Variants in BROX observed in about 807,000 individuals in gnomAD.
The protein encoded by BROX is BRO1 domain-containing protein BROX.
A neutral mutation model predicts 61.0 loss-of-function variants in BROX; 53 were observed. That is an observed-to-expected ratio of 0.87 (90% CI 0.70 to 1.09). BROX has a LOEUF of 1.09. Ranked by LOEUF, BROX falls within the 50% of genes least tolerant of loss-of-function variation. The pLI is 0.00. For synonymous variants in BROX, 152 were observed against 160.2 expected, an observed-to-expected ratio of 0.95 and a Z score of 0.38; for missense variants, 489 against 472.0, an observed-to-expected ratio of 1.04 and a Z score of -0.33.
rs545143655 is a variant in BROX at position 222,715,688 on chromosome 1, C to T, written c.-12C>T. Reference sequence around the variant, plus strand: ...TTTTTACTTTTTTGTCTATAGAAAACATCTGGAGAAAATGACCCATTGGTT... The same window carrying T: ...TTTTTACTTTTTTGTCTATAGAAAATATCTGGAGAAAATGACCCATTGGTT... On this transcript the variant is annotated 5_prime_UTR_variant, in exon 2 of 13. Transcript: ENST00000340934. 6.9e-6 allele frequency: 10 copies of T among 1,449,986 alleles called. No homozygotes were observed. The Admixed American group carries it at 9.6e-5, about 14-fold the overall frequency. The allele number at this position is 1,449,986 out of a possible 1,614,324, so 89.8% of individuals were successfully genotyped here. A position where few individuals can be genotyped will look rare whatever the true frequency, so the allele number is the denominator to read the frequency against.
intron 2 of BROX, 89 bp downstream of exon 2, chr1:222,715,889 G>T: frequency 1.5e-6 from 1 of 670,976 alleles, no homozygotes; most frequent in Non-Finnish European, 2.5e-6. Context: ...CTGTTTCTAA[G>T]TTTGTTATAA....
Position 222,731,388 on chromosome 1 carries a change from C to G in BROX, c.1021C>G (p.Gln341Glu), listed in dbSNP as rs148352271. Reference protein sequence around the residue: ...YFQKIPTEAPQLELKANYGLV... With the variant: ...YFQKIPTEAPELELKANYGLV... ...TCAAAAAATTCCAACAGAAGCCCCACAGCTGGAACTCAAAGCAAATTATGG... is the reference window on the plus strand; with the variant it reads ...TCAAAAAATTCCAACAGAAGCCCCAGAGCTGGAACTCAAAGCAAATTATGG... Residue 341 changes from glutamine (Q) to glutamate (E), a missense_variant, in exon 12 of 13, where the codon CAG (glutamine) becomes GAG (glutamate). Gln to Glu is a conservative substitution (Grantham distance 29). Coordinates refer to ENST00000340934, the MANE Select transcript of BROX (RefSeq NM_144695.4). 5.1e-6 allele frequency: 8 copies of G among 1,571,516 alleles called. No homozygotes were observed. The African/African-American group carries it at 1.1e-4, about 22-fold the overall frequency.
chr1:222,725,276 A>G (rs1181370814), intron 6 of BROX, among the ~76,000 whole-genome samples, 174 bp from the exon 7 acceptor site: 1 of 152,138 alleles, frequency 6.6e-6, no homozygotes, highest in Non-Finnish European at 1.5e-5. Flanking sequence ...GTATACAGGA[A>G]CTTTTATTTA....
intron 8 of BROX, among the ~76,000 whole-genome samples, chr1:222,727,889 A>T (rs1338525113): frequency 2.6e-5 from 4 of 152,218 alleles, no homozygotes; most frequent in Non-Finnish European, 4.4e-5. Context: ...TAAAAGTCTT[A>T]TGTTCCCTAG....
In BROX at chr1:222,712,830, C is replaced by T. The variant is rs1001524508; in HGVS notation, c.-129C>T. 3.9e-6 allele frequency: 5 copies of T among 1,287,848 alleles called. No homozygotes were observed. In the African/African-American group the frequency reaches 7.6e-5, roughly 20 times the overall value. 79.8% of individuals were successfully genotyped at this position (1,287,848 alleles called of 1,614,324 possible). On this transcript the variant is annotated 5_prime_UTR_variant, in exon 1 of 13. Transcript: ENST00000340934. Reference sequence around the variant, plus strand: ...GCTTGGCGCCGTCCTGGTTTTCCGTCACCCTGGTTCTGTAGTCTCGGTTCT... The same window carrying T: ...GCTTGGCGCCGTCCTGGTTTTCCGTTACCCTGGTTCTGTAGTCTCGGTTCT...
chr1:222,717,042 G>A (rs895500501), intron 2 of BROX, among the ~76,000 whole-genome samples: 6 of 152,134 alleles, frequency 3.9e-5, no homozygotes, highest in African/African-American at 9.7e-5. Flanking sequence ...GGGAAGAAGC[G>A]ATGACAACAA....
chr1:222,713,433 A>G (rs1571953077), intron 1 of BROX: 1 of 979,670 alleles, frequency 1.0e-6, no homozygotes, highest in Non-Finnish European at 1.2e-6. Context: ...TCCTCTGGGG[A>G]CTCGGGGCTT....
At chr1:222,714,637 T>C (rs1191399681) in intron 1 of BROX, among the ~76,000 whole-genome samples, 2 of 151,850 alleles carry the variant, frequency 1.3e-5, no homozygotes, top group African/African-American at 2.4e-5. Flanking sequence ...TCGCCCAGGC[T>C]GGAGTGCCAT....
chr1:222,716,049 C>T (rs1218239427), intron 2 of BROX, among the ~76,000 whole-genome samples: 1 of 152,108 alleles, frequency 6.6e-6, no homozygotes, highest in Non-Finnish European at 1.5e-5. Context: ...TACAACAGTA[C>T]AAGGGACTCT....
At position 222,733,822 on chromosome 1, in the gene BROX, A is replaced by G. The variant is rs951991045; in HGVS notation, c.*1108A>G. 6.6e-6 allele frequency: 1 copy of G among 152,236 alleles called. No individual in the cohort carries two copies. Among genetic ancestry groups the G allele is most frequent in the Non-Finnish European group, 1.5e-5 (1 of 68,036 alleles). The allele number at this position is 152,236 out of a possible 1,614,324, so 9.4% of individuals were successfully genotyped here. A position where few individuals can be genotyped will look rare whatever the true frequency, so the allele number is the denominator to read the frequency against. On this transcript the variant is annotated 3_prime_UTR_variant, in exon 13 of 13. Coordinates refer to ENST00000340934, the MANE Select transcript of BROX (RefSeq NM_144695.4). ...TATATATAAGAGAAGACAGAATGGA[A>G]AATGTTTTTTGAAGTCAAATATTGC...
Position 222,733,115 on chromosome 1 carries a change from T to TCA in BROX, c.*401_*402insCA, listed in dbSNP as rs1201571499. On this transcript the variant is annotated 3_prime_UTR_variant, in exon 13 of 13. Transcript: ENST00000340934. ...TTTTTTTTGAGGTGGAGTCTCCCTC[T>TCA]GTTGCCCAGGCTGGAGTGCAGTGGC... is the stretch of plus-strand genomic sequence containing the variant. 1 of 145,462 alleles carries TCA rather than the reference T, an allele frequency of 6.9e-6. No homozygotes were observed. The highest frequency in any genetic ancestry group is 1.5e-5 in the Non-Finnish European group (1 of 67,316). 9.0% of individuals were successfully genotyped at this position (145,462 alleles called of 1,614,324 possible).
At chr1:222,722,685 A>G (rs908135838) in intron 5 of BROX, among the ~76,000 whole-genome samples, 171 bp downstream of exon 5, 6 of 152,218 alleles carry the variant, frequency 3.9e-5, no homozygotes, top group African/African-American at 9.6e-5. Context: ...AAGAGGTAAA[A>G]TAAATTTTAA....
In BROX at chr1:222,727,766, T is replaced by G. The variant is rs192206166; in HGVS notation, c.670+509T>G. 2.5e-4 allele frequency among the ~76,000 whole-genome samples: 38 copies of G among 152,278 alleles called. 2 individuals carry two copies. Among genetic ancestry groups the G allele is most frequent in the Admixed American group, 2.1e-3 (32 of 15,298 alleles). ...GGAAGAAGACAAACATGTAACCCCG[T>G]TATTATATCCTGAAGTAAGACATCA... On this transcript the variant is annotated intron_variant, in intron 8 of 12. Coordinates refer to ENST00000340934, the MANE Select transcript of BROX (RefSeq NM_144695.4).
At position 222,731,407 on chromosome 1, in the gene BROX, A is replaced by G. The variant is rs767150540; in HGVS notation, c.1040A>G (p.Asn347Ser). 5.1e-6 allele frequency: 8 copies of G among 1,580,714 alleles called. No individual in the cohort carries two copies. Among genetic ancestry groups the G allele is most frequent in the Non-Finnish European group, 6.0e-6 (7 of 1,171,672 alleles). The change falls in exon 12 of 13, where the codon AAT becomes AGT. Residue 347 changes from asparagine to serine, a missense_variant. Transcript: ENST00000340934. ...GCCCCACAGCTGGAACTCAAAGCAA[A>G]TTATGGTCTCGTAGAGCCTATACCT... ...TEAPQLELKA[N>S]YGLVEPIPFE... is the part of the protein sequence containing the mutation.
chr1:222,728,679 G>T, intron 8 of BROX, 64 bp from the exon 9 acceptor site: 2 of 1,033,656 alleles, frequency 1.9e-6, no homozygotes, highest in South Asian at 3.1e-5. Flanking sequence ...CAGAACACAT[G>T]AACTAAAAGT....
At chr1:222,732,514 T>C (rs974439008) in intron 12 of BROX, 114 bp from the exon 13 acceptor site, 4 of 661,724 alleles carry the variant, frequency 6.0e-6, no homozygotes, top group Admixed American at 3.2e-5. Context: ...TTTGTCAGTA[T>C]CCATGTTATG....
intron 6 of BROX, 138 bp downstream of exon 6, chr1:222,724,302 A>G: frequency 1.4e-6 from 1 of 694,914 alleles, no homozygotes; most frequent in Non-Finnish European, 2.3e-6. Flanking sequence ...CCTTATGTTA[A>G]GTATGTTATT....
At chr1:222,718,083 C>G (rs1051706541) in intron 2 of BROX, 1 of 151,974 alleles carries the variant, frequency 6.6e-6, no homozygotes, top group African/African-American at 2.4e-5. Flanking sequence ...ATAGTTGAAG[C>G]TATACTAATA....
chr1:222,733,076 CTTTT>C lies in BROX; in HGVS notation c.*380_*383del. On this transcript the variant is annotated 3_prime_UTR_variant, in exon 13 of 13. Transcript: ENST00000340934. ...TTTTTTCTTTTTCTTTTTTTTTTTT[CTTTT>C]TTTTTTTTTTTTTTTTTGAGGTGGA... 2 of 74,320 alleles carry C rather than the reference CTTTT, an allele frequency of 2.7e-5. No homozygotes were observed. The highest frequency in any genetic ancestry group is 3.1e-4 in the East Asian group (1 of 3,186). 4.6% of individuals were successfully genotyped at this position (74,320 alleles called of 1,614,324 possible).
Sources: allele counts gnomAD v4.1 joint callset (sites outside exome capture counted in the v4.1 genomes callset), GRCh38; gene constraint gnomAD v4.1.1; transcripts MANE v1.5; gene names NCBI Gene and HGNC (gene_info 2026-07-23, HGNC 2026-07-21).